The following NAALADL2 variants were observed in gnomAD, a reference collection of about 807,000 sequenced individuals.
The protein encoded by NAALADL2 is N-acetylated alpha-linked acidic dipeptidase like 2.
A neutral mutation model predicts 87.2 loss-of-function variants in NAALADL2; 76 were observed. The observed-to-expected ratio is 0.87, with a 90% CI of 0.72 to 1.05. The LOEUF is 1.05. NAALADL2 is among the 50% of genes least tolerant of loss of function. The pLI, the probability that NAALADL2 is intolerant of heterozygous loss-of-function variation, is 0.00. For synonymous variants in NAALADL2, 354 were observed against 331.0 expected, an observed-to-expected ratio of 1.07 and a Z score of -0.75; for missense variants, 1,089 against 945.8, an observed-to-expected ratio of 1.15 and a Z score of -1.99.
intron 3 of NAALADL2, among the ~76,000 whole-genome samples, chr3:174,826,091 GACAAA>G (rs1338979849): frequency 2.5e-4 from 38 of 152,120 alleles, no homozygotes; most frequent in African/African-American, 6.7e-4. Context: ...CAAAATCCAA[GACAAA>G]ACAAAACAAA....
At chr3:175,510,032 A>C (rs1300820221) in intron 9 of NAALADL2, among the ~76,000 whole-genome samples, 1 of 139,284 alleles carries the variant, frequency 7.2e-6, no homozygotes, top group Non-Finnish European at 1.5e-5. Flanking sequence ...CCCCAGTGTG[A>C]TGTTCCTCTT....
At chr3:174,554,774 T>G (rs1712553337) in intron 2 of NAALADL2, among the ~76,000 whole-genome samples, 1 of 151,854 alleles carries the variant, frequency 6.6e-6, no homozygotes, top group South Asian at 2.1e-4. Flanking sequence ...AATAATTTTT[T>G]TCCTTTATGT....
intron 9 of NAALADL2, among the ~76,000 whole-genome samples, chr3:175,564,816 G>C (rs996975973): frequency 5.9e-5 from 9 of 152,152 alleles, no homozygotes; most frequent in African/African-American, 2.2e-4. Flanking sequence ...TCTTTTCAAC[G>C]TGTTCAAAGT....
chr3:175,557,923 G>C (rs974157093), intron 9 of NAALADL2, among the ~76,000 whole-genome samples: 1 of 152,026 alleles, frequency 6.6e-6, no homozygotes, highest in East Asian at 1.9e-4. Context: ...GGCCGGGCGC[G>C]GTGGCTCACG....
chr3:174,569,350 A>G (rs982504575), intron 2 of NAALADL2, among the ~76,000 whole-genome samples: 2 of 151,994 alleles, frequency 1.3e-5, no homozygotes, highest in Non-Finnish European at 2.9e-5. Flanking sequence ...ATTATATTAA[A>G]TAAAGTACCC....
chr3:174,479,593 C>A (rs569607966), intron 1 of NAALADL2, among the ~76,000 whole-genome samples: 72 of 152,184 alleles, frequency 4.7e-4, no homozygotes, highest in African/African-American at 1.7e-3. Context: ...TCTAACACTT[C>A]CTAAATGCCT....
At chr3:175,605,640 G>GTTTTTTTTT (rs751433758) in intron 10 of NAALADL2, among the ~76,000 whole-genome samples, 499 of 36,598 alleles carry the variant, frequency 0.014, 4 homozygotes, top group Middle Eastern at 0.052. Context: ...TATATTGCTT[G>GTTTTTTTTT]TTTTTTTTTT....
upstream of NAALADL2, among the ~76,000 whole-genome samples, chr3:174,854,785 TTATC>T (rs1471713607): frequency 6.6e-6 from 1 of 151,668 alleles, no homozygotes; most frequent in Admixed American, 6.6e-5. Context: ...ATTGTTTTTA[TTATC>T]AAATATTACG....
chr3:174,726,955 G>T (rs917499654), intron 2 of NAALADL2, among the ~76,000 whole-genome samples: 2 of 151,870 alleles, frequency 1.3e-5, no homozygotes, highest in African/African-American at 2.4e-5. Flanking sequence ...TTTTTCTTTT[G>T]TAAAGAGAAT....
chr3:175,045,869 T>C (rs940967861), intron 1 of NAALADL2, among the ~76,000 whole-genome samples: 1 of 152,166 alleles, frequency 6.6e-6, no homozygotes, highest in Non-Finnish European at 1.5e-5. Context: ...ACACTATCAC[T>C]ATTTTCCAAG....
intron 11 of NAALADL2, among the ~76,000 whole-genome samples, chr3:175,735,277 T>C (rs1025444879): frequency 2.6e-5 from 4 of 152,214 alleles, no homozygotes; most frequent in African/African-American, 9.6e-5. Context: ...ATTGTCAGCA[T>C]TTTGGTCAAA....
At chr3:175,328,744 T>C (rs1560370694) in intron 5 of NAALADL2, among the ~76,000 whole-genome samples, 1 of 152,172 alleles carries the variant, frequency 6.6e-6, no homozygotes, top group Non-Finnish European at 1.5e-5. Context: ...ATAATTATAA[T>C]ACCAGTGATA....
intron 5 of NAALADL2, among the ~76,000 whole-genome samples, chr3:175,343,581 C>T (rs6790753): frequency 0.55 from 83,167 of 150,208 alleles, 24,432 homozygotes; most frequent in African/African-American, 0.75. Flanking sequence ...TAGTTCACTG[C>T]GCCACCTGGT....
At chr3:174,598,638 A>G (rs1718149044) in intron 2 of NAALADL2, among the ~76,000 whole-genome samples, 1 of 152,142 alleles carries the variant, frequency 6.6e-6, no homozygotes. Flanking sequence ...TTAGTTCATG[A>G]TAAACAGCTT....
chr3:174,890,877 G>A (rs1476075261), intron 1 of NAALADL2, among the ~76,000 whole-genome samples: 1 of 151,890 alleles, frequency 6.6e-6, no homozygotes, highest in Non-Finnish European at 1.5e-5. Flanking sequence ...AACCACTTGT[G>A]GAATTCAGAT....
At chr3:174,876,177 T>C (rs112817583) in intron 1 of NAALADL2, among the ~76,000 whole-genome samples, 2,921 of 152,184 alleles carry the variant, frequency 0.019, 102 homozygotes, top group African/African-American at 0.066. Flanking sequence ...ACAATAAAAA[T>C]CTTCTCTCTT....
At chr3:175,785,111 G>A (rs1401795025) in intron 13 of NAALADL2, among the ~76,000 whole-genome samples, 3 of 150,792 alleles carry the variant, frequency 2.0e-5, no homozygotes, top group Non-Finnish European at 4.4e-5. Flanking sequence ...GCTGAGGAGA[G>A]CTTTACTTCC....
chr3:175,139,117 T>C (rs1298939048), intron 2 of NAALADL2, among the ~76,000 whole-genome samples: 1 of 151,678 alleles, frequency 6.6e-6, no homozygotes, highest in African/African-American at 2.4e-5. Context: ...GAATATTCTG[T>C]TTGAAAAATC....
intron 2 of NAALADL2, among the ~76,000 whole-genome samples, chr3:175,133,245 G>C (rs974214948): frequency 2.0e-4 from 30 of 151,852 alleles, no homozygotes; most frequent in African/African-American, 7.3e-4. Flanking sequence ...AGACTGGGCA[G>C]CCAGGCAGAG....
Sources: allele counts gnomAD v4.1 joint callset (sites outside exome capture counted in the v4.1 genomes callset), GRCh38; gene constraint gnomAD v4.1.1; transcripts MANE v1.5; gene names NCBI Gene and HGNC (gene_info 2026-07-23, HGNC 2026-07-21).